TRAPPC9: variants seen among roughly 807,000 people sequenced by gnomAD.
TRAPPC9 encodes the protein IKK2 binding protein.
Under a neutral mutation model 124.0 loss-of-function variants are expected in TRAPPC9, and 83 were observed. The observed-to-expected ratio is 0.67, with a 90% confidence interval of 0.56 to 0.80. The LOEUF (loss-of-function observed/expected upper bound fraction) is 0.80. Among genes scored for constraint, TRAPPC9 ranks in the 30% least tolerant of loss-of-function variants. The probability of loss-of-function intolerance (pLI) is 0.00; values close to 1 mark genes in which losing one functional copy is unlikely to be tolerated. For synonymous variants in TRAPPC9, 638 were observed against 617.5 expected, an observed-to-expected ratio of 1.03 and a Z score of -0.49; for missense variants, 1,302 against 1,508.3, an observed-to-expected ratio of 0.86 and a Z score of 2.27.
In TRAPPC9 at chr8:139,825,825, C is replaced by T. The variant is rs1825585597; in HGVS notation, c.3055+60054G>A. The stretch of plus-strand genomic sequence containing the variant: ...TGAGACGATGGCCGGAGCTGAGTGT[C>T]AACGCCCAAGGATTTCCAGGGCTTC... On this transcript the variant is annotated intron_variant, in intron 21 of 22. Transcript: ENST00000438773. The surrounding 1 kb of genome is among the most constrained non-coding windows in gnomAD (Gnocchi z 4.6). Among the ~76,000 whole-genome samples the T allele has an allele frequency of 6.6e-6, 1 of 152,044 alleles. No individual in the cohort carries two copies. Among genetic ancestry groups the T allele is most frequent in the Non-Finnish European group, 1.5e-5 (1 of 68,022 alleles).
At chr8:140,143,773 T>A (rs1563794281) in intron 17 of TRAPPC9, among the ~76,000 whole-genome samples, 1 of 152,230 alleles carries the variant, frequency 6.6e-6, no homozygotes, top group East Asian at 1.9e-4. Context: ...GCATCTTTTA[T>A]GAAAAGTTCT....
At chr8:139,828,144 T>C (rs1238594808) in intron 21 of TRAPPC9, among the ~76,000 whole-genome samples, 1 of 152,056 alleles carries the variant, frequency 6.6e-6, no homozygotes, top group African/African-American at 2.4e-5. Flanking sequence ...GCTTCCCCGA[T>C]GGGTCTGGCT....
At chr8:140,406,535 G>A (rs1237297383) in intron 5 of TRAPPC9, among the ~76,000 whole-genome samples, 2 of 152,130 alleles carry the variant, frequency 1.3e-5, no homozygotes, top group Non-Finnish European at 2.9e-5. Flanking sequence ...CCCCTGTGCA[G>A]CTCACTTCTT....
intron 9 of TRAPPC9, among the ~76,000 whole-genome samples, chr8:140,354,380 G>T (rs139599320): frequency 6.6e-6 from 1 of 152,246 alleles, no homozygotes; most frequent in South Asian, 2.1e-4. Flanking sequence ...ACACAGTCAC[G>T]GTTCCTAAGA....
At chr8:140,308,658 G>A (rs1032613963) in intron 10 of TRAPPC9, among the ~76,000 whole-genome samples, 10 of 152,064 alleles carry the variant, frequency 6.6e-5, no homozygotes, top group Admixed American at 2.0e-4. Flanking sequence ...TGAGGCGGGC[G>A]GATCACGAGG....
intron 20 of TRAPPC9, among the ~76,000 whole-genome samples, chr8:139,898,912 G>T (rs917168153): frequency 1.6e-4 from 24 of 152,080 alleles, no homozygotes; most frequent in Middle Eastern, 6.8e-3. Flanking sequence ...CTGAGGTCAG[G>T]AGTTCAAGAT....
chr8:140,093,813 A>C (rs958535437), intron 17 of TRAPPC9, among the ~76,000 whole-genome samples: 1 of 152,208 alleles, frequency 6.6e-6, no homozygotes, highest in East Asian at 1.9e-4. Flanking sequence ...GTCACCTGAC[A>C]ATGACTGGCA....
chr8:139,980,934 G>A lies in TRAPPC9; in HGVS notation c.2810+7792C>T, dbSNP rs192070250. Among the ~76,000 whole-genome samples, 176 of 152,290 alleles carry A rather than the reference G, an allele frequency of 1.2e-3. 1 individual carries two copies. The highest frequency in any genetic ancestry group is 2.2e-3 in the Non-Finnish European group (151 of 68,022). The stretch of plus-strand genomic sequence containing the variant: ...CCCAGAAGGAAAACCTCCTGTCGAA[G>A]GTTTCTGAGGAACAAAGAGGCGCGT... On this transcript the variant is annotated intron_variant, in intron 19 of 22. Coordinates refer to ENST00000438773, the MANE Select transcript of TRAPPC9 (RefSeq NM_001160372.4).
At chr8:140,263,904 T>G (rs1485284155) in intron 15 of TRAPPC9, among the ~76,000 whole-genome samples, 1 of 152,146 alleles carries the variant, frequency 6.6e-6, no homozygotes, top group East Asian at 1.9e-4. Flanking sequence ...TCTCTACCTC[T>G]GTCCACGCCG....
At chr8:140,007,084 A>G (rs1838808160) in intron 18 of TRAPPC9, among the ~76,000 whole-genome samples, 1 of 152,226 alleles carries the variant, frequency 6.6e-6, no homozygotes, top group South Asian at 2.1e-4. Flanking sequence ...GATCCACCAA[A>G]CACACTCAAG....
chr8:140,158,489 T>C (rs2061692035), intron 17 of TRAPPC9, among the ~76,000 whole-genome samples: 1 of 152,082 alleles, frequency 6.6e-6, no homozygotes, highest in Non-Finnish European at 1.5e-5. Flanking sequence ...GTGCTGGGAG[T>C]GAAGGCGTTT....
intron 18 of TRAPPC9, among the ~76,000 whole-genome samples, chr8:140,002,289 C>T (rs767496277): frequency 1.3e-5 from 2 of 151,458 alleles, no homozygotes; most frequent in African/African-American, 4.8e-5. Flanking sequence ...AATATGGACG[C>T]TAAGAAGTAC....
At chr8:140,174,324 C>T (rs1399380797) in intron 17 of TRAPPC9, among the ~76,000 whole-genome samples, 1 of 151,666 alleles carries the variant, frequency 6.6e-6, no homozygotes, top group Non-Finnish European at 1.5e-5. Context: ...ACCCCCATGA[C>T]ACATGTTTAC....
At chr8:140,259,927 C>A (rs994400169) in intron 15 of TRAPPC9, among the ~76,000 whole-genome samples, 1 of 152,166 alleles carries the variant, frequency 6.6e-6, no homozygotes, top group African/African-American at 2.4e-5. Flanking sequence ...GTGAAAAAAG[C>A]GGAATACCAC....
intron 19 of TRAPPC9, among the ~76,000 whole-genome samples, chr8:139,980,110 T>C (rs1433602662): frequency 6.6e-6 from 1 of 152,054 alleles, no homozygotes; most frequent in African/African-American, 2.4e-5. Context: ...CAAATGGCTG[T>C]GGCAGCTCCA....
At position 139,877,235 on chromosome 8, in the gene TRAPPC9, G is replaced by A. The variant is rs574833236; in HGVS notation, c.3055+8644C>T. Reference sequence around the variant, plus strand: ...AGTGTTAGCAGTGGAAGAGGCAGGCGGAGGGTGGCACAGTCGTGGGACACT... The same window carrying A: ...AGTGTTAGCAGTGGAAGAGGCAGGCAGAGGGTGGCACAGTCGTGGGACACT... On this transcript the variant is annotated intron_variant, in intron 21 of 22. Transcript: ENST00000438773. Among the ~76,000 whole-genome samples the A allele has an allele frequency of 1.0e-3, 155 of 152,352 alleles. 1 individual carries two copies. Among genetic ancestry groups the A allele is most frequent in the African/African-American group, 3.6e-3 (150 of 41,584 alleles).
Position 140,437,207 on chromosome 8 carries a change from C to T in TRAPPC9, c.730+1845G>A, listed in dbSNP as rs192054478. Among the ~76,000 whole-genome samples, 124 of 152,018 alleles carry T rather than the reference C, an allele frequency of 8.2e-4. 1 individual carries two copies. Among genetic ancestry groups the T allele is most frequent in the African/African-American group, 2.9e-3 (122 of 41,466 alleles). On this transcript the variant is annotated intron_variant, in intron 3 of 22. Transcript: ENST00000438773. ...CCTATGTTGCTCAGGCTGGTCTCCA[C>T]CCAGTTAATGTTTTTTAATTTTGTT... is the stretch of plus-strand genomic sequence containing the variant.
At chr8:139,955,995 C>T (rs933453850) in intron 19 of TRAPPC9, among the ~76,000 whole-genome samples, 2 of 152,166 alleles carry the variant, frequency 1.3e-5, no homozygotes, top group Admixed American at 6.5e-5. Context: ...TCGTTTCTCC[C>T]GCCGTGTGGC....
Position 140,087,716 on chromosome 8 carries a change from C to T in TRAPPC9, c.2557-63637G>A, listed in dbSNP as rs538676063. ...GGACAATGCCACTGGCTCCCCACCT[C>T]GTCTCCCCTGCCTCTACTCGTCCAC... On this transcript the variant is annotated intron_variant, in intron 17 of 22. Transcript: ENST00000438773. This position sits in a 1 kb window ranked among gnomAD's most constrained non-coding sequence, Gnocchi z 4.6. Among the ~76,000 whole-genome samples, 8 of 152,278 alleles carry T rather than the reference C, an allele frequency of 5.3e-5. No individual in the cohort carries two copies. In the East Asian group the frequency reaches 1.2e-3, roughly 22 times the overall value.
Sources: allele counts gnomAD v4.1 joint callset (sites outside exome capture counted in the v4.1 genomes callset), GRCh38; gene constraint gnomAD v4.1.1; non-coding constraint Gnocchi (gnomAD v3.1); transcripts MANE v1.5; gene names NCBI Gene and HGNC (gene_info 2026-07-23, HGNC 2026-07-21).